DLGAP2: variants seen among roughly 807,000 people sequenced by gnomAD.
DLGAP2 encodes the protein disks large-associated protein 2.
DLGAP2 carries 26 observed loss-of-function variants against 100.3 expected under a neutral mutation model. The ratio of observed to expected loss-of-function variants is 0.26; its 90% CI spans 0.19 to 0.36. The LOEUF is 0.36. DLGAP2 is among the 10% of genes least tolerant of loss of function. The probability of loss-of-function intolerance (pLI) is 1.00; values close to 1 mark genes in which losing one functional copy is unlikely to be tolerated. For missense variants in DLGAP2, 1,858 were observed against 1,453.2 expected, an observed-to-expected ratio of 1.28 and a Z score of -4.53; for synonymous variants, 886 against 630.1, an observed-to-expected ratio of 1.41 and a Z score of -6.08.
At chr8:1,392,080 C>G (rs1246695985) in intron 3 of DLGAP2, among the ~76,000 whole-genome samples, 1 of 152,228 alleles carries the variant, frequency 6.6e-6, no homozygotes, top group African/African-American at 2.4e-5. Context: ...AAACCCAGGT[C>G]ATAGGACTGA....
intron 2 of DLGAP2, among the ~76,000 whole-genome samples, chr8:1,088,155 T>C (rs1309271960): frequency 2.6e-5 from 4 of 152,238 alleles, no homozygotes; most frequent in Non-Finnish European, 5.9e-5. Context: ...CTGGTCCACC[T>C]TCCAGACGAC....
chr8:1,156,967 C>A (rs1796803608), intron 2 of DLGAP2, among the ~76,000 whole-genome samples: 1 of 152,094 alleles, frequency 6.6e-6, no homozygotes, highest in Admixed American at 6.5e-5. Context: ...GTGCTTAATT[C>A]TCCACTGTTA....
At chr8:1,256,045 T>C (rs1173772072) in intron 2 of DLGAP2, among the ~76,000 whole-genome samples, 2 of 131,612 alleles carry the variant, frequency 1.5e-5, no homozygotes, top group African/African-American at 3.0e-5. Context: ...GTGCTGTGTG[T>C]GTGTCCTCTC....
At chr8:1,008,656 T>G (rs1192449768) in intron 2 of DLGAP2, among the ~76,000 whole-genome samples, 3 of 152,210 alleles carry the variant, frequency 2.0e-5, no homozygotes, top group Non-Finnish European at 4.4e-5. Flanking sequence ...TGTGCCGTAA[T>G]TAAGCTGGAG....
chr8:1,563,631 C>T (rs1182825852), intron 5 of DLGAP2, among the ~76,000 whole-genome samples: 1 of 152,072 alleles, frequency 6.6e-6, no homozygotes, highest in Non-Finnish European at 1.5e-5. Context: ...AGCTCCTGCT[C>T]GTCCAGGCTG....
chr8:1,555,989 G>A (rs757890), intron 5 of DLGAP2, among the ~76,000 whole-genome samples: 79,008 of 152,060 alleles, frequency 0.52, 22,041 homozygotes, highest in African/African-American at 0.74. Flanking sequence ...CTGGGTGGGT[G>A]CATGCGCTGT....
At chr8:902,077 A>C (rs1563087057) in intron 1 of DLGAP2, among the ~76,000 whole-genome samples, 1 of 152,202 alleles carries the variant, frequency 6.6e-6, no homozygotes, top group Non-Finnish European at 1.5e-5. Context: ...GGTCCACCGC[A>C]GAGGGATTGC....
intron 1 of DLGAP2, among the ~76,000 whole-genome samples, chr8:869,750 G>T (rs971230713): frequency 2.0e-5 from 3 of 152,234 alleles, no homozygotes; most frequent in Admixed American, 1.3e-4. Context: ...ATTTTGGCAA[G>T]CCTGTTTCCC....
rs1286063698 is a variant in DLGAP2 at position 1,362,518 on chromosome 8, TC to T, written c.106+103639del. The stretch of plus-strand genomic sequence containing the variant: ...CCTCATTTCCCCTTACACTGTGTGG[TC>T]CCCGTGAGCCTTGGCTTCCACACTA... On this transcript the variant is annotated intron_variant, in intron 3 of 14. Transcript: ENST00000637795. Among the ~76,000 whole-genome samples, 4 of 152,150 alleles carry T rather than the reference TC, an allele frequency of 2.6e-5. No individual in the cohort carries two copies. The East Asian group carries it at 5.8e-4, about 22-fold the overall frequency.
intron 6 of DLGAP2, among the ~76,000 whole-genome samples, chr8:1,599,029 C>G (rs1485799318): frequency 6.6e-6 from 1 of 152,230 alleles, no homozygotes; most frequent in African/African-American, 2.4e-5. Flanking sequence ...GCTCTAAACA[C>G]TGCTTTAGCT....
At chr8:1,529,663 T>C (rs1368741248) in intron 4 of DLGAP2, among the ~76,000 whole-genome samples, 1 of 152,210 alleles carries the variant, frequency 6.6e-6, no homozygotes, top group Admixed American at 6.5e-5. Flanking sequence ...TTACAGAAGT[T>C]AAGCTTGAAC....
chr8:1,146,583 ATG>A lies in DLGAP2; in HGVS notation c.74-112261_74-112260del, dbSNP rs575376546. On this transcript the variant is annotated intron_variant, in intron 2 of 14. Coordinates refer to ENST00000637795, the MANE Select transcript of DLGAP2 (RefSeq NM_001346810.2). Reference sequence around the variant, plus strand: ...TGTGTGCACATGTGTGTGTATGCACATGTGTGTGCACCTGCGCATGTGTGTGC... The same window carrying A: ...TGTGTGCACATGTGTGTGTATGCACATGTGTGCACCTGCGCATGTGTGTGC... Among the ~76,000 whole-genome samples, 49 of 151,986 alleles carry A rather than the reference ATG, an allele frequency of 3.2e-4. 2 individuals carry two copies. In the East Asian group the frequency reaches 4.7e-3, roughly 14 times the overall value.
At chr8:787,823 G>T (rs556853918) in intron 1 of DLGAP2, among the ~76,000 whole-genome samples, 35 of 152,336 alleles carry the variant, frequency 2.3e-4, no homozygotes, top group African/African-American at 8.4e-4. Context: ...TTGAGGCCTG[G>T]GTTTGGGCTC....
intron 3 of DLGAP2, among the ~76,000 whole-genome samples, chr8:1,314,010 C>G (rs548161896): frequency 6.6e-6 from 1 of 152,040 alleles, no homozygotes; most frequent in Admixed American, 6.5e-5. Flanking sequence ...CTGTATGATA[C>G]GAAACACGTG....
At chr8:960,249 T>TTTTTTTTTTTTTTTTTTTTTTTC in intron 2 of DLGAP2, among the ~76,000 whole-genome samples, 1 of 138,844 alleles carries the variant, frequency 7.2e-6, no homozygotes, top group Non-Finnish European at 1.5e-5. Flanking sequence ...TTTTTTTTTT[T>TTTTTTTTTTTTTTTTTTTTTTTC]TTTCCCGAGA....
intron 2 of DLGAP2, among the ~76,000 whole-genome samples, chr8:1,114,907 C>G (rs1805067734): frequency 6.6e-6 from 1 of 152,160 alleles, no homozygotes; most frequent in Non-Finnish European, 1.5e-5. Flanking sequence ...TTGTTCTTAT[C>G]AGTTTCAAAG....
At chr8:1,261,101 C>G (rs1469434172) in intron 3 of DLGAP2, among the ~76,000 whole-genome samples, 1 of 151,162 alleles carries the variant, frequency 6.6e-6, no homozygotes, top group African/African-American at 2.4e-5. Flanking sequence ...ACCGGGAGGG[C>G]TGGTCAACTT....
At chr8:1,255,037 C>CGGGCGCTG (rs1799154660) in intron 2 of DLGAP2, among the ~76,000 whole-genome samples, 2 of 65,218 alleles carry the variant, frequency 3.1e-5, no homozygotes, top group East Asian at 5.7e-4. Flanking sequence ...TTCTCCTGCC[C>CGGGCGCTG]AGCCGCTGTG....
chr8:1,698,031 A>C (rs1799448771), intron 14 of DLGAP2, among the ~76,000 whole-genome samples: 1 of 152,262 alleles, frequency 6.6e-6, no homozygotes, highest in Non-Finnish European at 1.5e-5. Flanking sequence ...AAGAAAATCA[A>C]GTCAGCATCC....
Sources: allele counts gnomAD v4.1 joint callset (sites outside exome capture counted in the v4.1 genomes callset), GRCh38; gene constraint gnomAD v4.1.1; transcripts MANE v1.5; gene names NCBI Gene and HGNC (gene_info 2026-07-23, HGNC 2026-07-21).